ANO4: variants seen among roughly 807,000 people sequenced by gnomAD.
The protein encoded by ANO4 is anoctamin 4.
ANO4 carries 69 observed loss-of-function variants against 141.9 expected under a neutral mutation model. That is an observed-to-expected ratio of 0.49 (90% CI 0.40 to 0.59). The LOEUF is 0.59. Among genes scored for constraint, ANO4 ranks in the 20% least tolerant of loss-of-function variants. The pLI, the probability that ANO4 is intolerant of heterozygous loss-of-function variation, is 0.00. For missense variants in ANO4, 894 were observed against 1,162.2 expected (o/e 0.77, Z 3.36); for synonymous variants, 350 against 394.3 (o/e 0.89, Z 1.33).
intron 12 of ANO4, 90 bp downstream of exon 12, chr12:101,042,558 T>A (rs2047451186): frequency 1.3e-6 from 2 of 1,526,248 alleles, no homozygotes; most frequent in Non-Finnish European, 8.9e-7. Context: ...TGTGGAGACA[T>A]TTAGCTTTTC....
intron 9 of ANO4, among the ~76,000 whole-genome samples, chr12:101,035,041 C>A (rs1166932174): frequency 6.6e-6 from 1 of 151,606 alleles, no homozygotes; most frequent in African/African-American, 2.4e-5. Context: ...GGAATCACTT[C>A]TAGGTATTTG....
intron 3 of ANO4, among the ~76,000 whole-genome samples, chr12:100,765,567 T>G (rs978430753): frequency 8.6e-5 from 13 of 151,540 alleles, no homozygotes; most frequent in African/African-American, 3.1e-4. Flanking sequence ...TTGTTTTTTG[T>G]AGAGACAAGG....
chr12:100,913,275 A>C lies in ANO4; in HGVS notation c.56-8951A>C, dbSNP rs2041194855. ...GAGCCATAAAAAGGCAGCCACAAAG[A>C]AAAGCAAATGGTTAATTTCTGGAAA... On this transcript the variant is annotated intron_variant, in intron 2 of 27. Coordinates refer to ENST00000392977, the MANE Select transcript of ANO4 (RefSeq NM_001286615.2). Among the ~76,000 whole-genome samples, 4 of 152,244 alleles carry C rather than the reference A, an allele frequency of 2.6e-5. No individual in the cohort carries two copies. The South Asian group carries it at 8.3e-4, about 32-fold the overall frequency.
intron 22 of ANO4, among the ~76,000 whole-genome samples, chr12:101,104,581 GATA>G (rs1352596352): frequency 3.1e-5 from 4 of 128,804 alleles, no homozygotes; most frequent in South Asian, 5.0e-4. Flanking sequence ...TCAGGCTTTT[GATA>G]ATATATATAT....
At chr12:100,913,075 G>A in intron 2 of ANO4, among the ~76,000 whole-genome samples, 1 of 152,034 alleles carries the variant, frequency 6.6e-6, no homozygotes, top group Non-Finnish European at 1.5e-5. Flanking sequence ...CATTTGCTGA[G>A]TAACAACATT....
intron 3 of ANO4, among the ~76,000 whole-genome samples, chr12:100,929,036 T>C (rs1006923208): frequency 1.3e-5 from 2 of 152,142 alleles, no homozygotes; most frequent in African/African-American, 2.4e-5. Context: ...TGAAATATTT[T>C]GATACAGGCA....
At chr12:100,959,216 C>G (rs566031415) in intron 5 of ANO4, among the ~76,000 whole-genome samples, 10 of 152,256 alleles carry the variant, frequency 6.6e-5, no homozygotes, top group African/African-American at 2.4e-4. Flanking sequence ...CTCAACCTTC[C>G]CTCCCACCAC....
chr12:100,863,893 T>C (rs966636766), intron 1 of ANO4, among the ~76,000 whole-genome samples: 2 of 152,210 alleles, frequency 1.3e-5, no homozygotes, highest in African/African-American at 4.8e-5. Flanking sequence ...TGTCTTGATA[T>C]ATCACTGATG....
intron 1 of ANO4, among the ~76,000 whole-genome samples, chr12:100,851,154 G>A (rs183361147): frequency 5.9e-4 from 90 of 152,280 alleles, no homozygotes; most frequent in African/African-American, 2.1e-3. Flanking sequence ...TGCTTCCAGA[G>A]TAAGACTCTA....
intron 2 of ANO4, among the ~76,000 whole-genome samples, chr12:100,735,641 G>A (rs888328550): frequency 6.6e-6 from 1 of 152,132 alleles, no homozygotes; most frequent in Non-Finnish European, 1.5e-5. Flanking sequence ...TCTAGGGGGA[G>A]AGGGATGGAA....
At chr12:101,018,475 A>G (rs1192553778) in intron 8 of ANO4, among the ~76,000 whole-genome samples, 1 of 152,164 alleles carries the variant, frequency 6.6e-6, no homozygotes, top group East Asian at 1.9e-4. Context: ...TTGTCTCCAT[A>G]TTCCCTGGCC....
chr12:100,796,476 C>T (rs2034328329), intron 1 of ANO4, among the ~76,000 whole-genome samples: 2 of 151,982 alleles, frequency 1.3e-5, no homozygotes, highest in Admixed American at 6.6e-5. Flanking sequence ...AAAGTAGATG[C>T]GTTTGTTGTT....
intron 1 of ANO4, among the ~76,000 whole-genome samples, chr12:100,834,236 T>G (rs1374577023): frequency 6.6e-6 from 1 of 152,054 alleles, no homozygotes; most frequent in African/African-American, 2.4e-5. Context: ...GTGTGATGGG[T>G]TCAGCCCAGC....
Position 100,778,068 on chromosome 12 carries a change from C to A in ANO4, c.358+37963C>A, listed in dbSNP as rs983515562. Among the ~76,000 whole-genome samples, 3 of 151,818 alleles carry A rather than the reference C, an allele frequency of 2.0e-5. 1 individual carries two copies. Among genetic ancestry groups the A allele is most frequent in the Non-Finnish European group, 4.4e-5 (3 of 67,972 alleles). On this transcript the variant is annotated intron_variant, in intron 3 of 29. Transcript: ENST00000644049. ...CCGAGTAGCTGGGACTACAGGCACC[C>A]GCCACCATGCCCGGCTAATTTTTTG...
chr12:100,795,239 C>A (rs893698834), intron 1 of ANO4, among the ~76,000 whole-genome samples: 5 of 150,930 alleles, frequency 3.3e-5, no homozygotes, highest in African/African-American at 1.2e-4. Flanking sequence ...AGCTCTTCTG[C>A]TGTGATACGA....
intron 1 of ANO4, among the ~76,000 whole-genome samples, chr12:100,839,271 A>G (rs1176649717): frequency 6.6e-6 from 1 of 152,116 alleles, no homozygotes; most frequent in Non-Finnish European, 1.5e-5. Context: ...ATAATATGTG[A>G]TCTCTCTTTG....
chr12:100,940,592 A>G (rs548975255), intron 4 of ANO4, among the ~76,000 whole-genome samples: 6 of 152,338 alleles, frequency 3.9e-5, no homozygotes, highest in African/African-American at 1.2e-4. Flanking sequence ...TTGGTCATCA[A>G]TTGAAAATGT....
At chr12:100,958,970 TG>T (rs1018176331) in intron 5 of ANO4, among the ~76,000 whole-genome samples, 1 of 152,050 alleles carries the variant, frequency 6.6e-6, no homozygotes, top group South Asian at 2.1e-4. Flanking sequence ...GGGTGTTGGG[TG>T]GGGGCTCACT....
At chr12:100,960,643 C>T (rs1420227809) in intron 5 of ANO4, among the ~76,000 whole-genome samples, 1 of 151,574 alleles carries the variant, frequency 6.6e-6, no homozygotes, top group Non-Finnish European at 1.5e-5. Flanking sequence ...AAAGTATTTC[C>T]AAAGTTAAAT....
Sources: allele counts gnomAD v4.1 joint callset (sites outside exome capture counted in the v4.1 genomes callset), GRCh38; gene constraint gnomAD v4.1.1; transcripts MANE v1.5; gene names NCBI Gene and HGNC (gene_info 2026-07-23, HGNC 2026-07-21).